Variants in AGO2 observed in about 807,000 individuals in gnomAD.
AGO2 encodes the protein argonaute RISC catalytic component 2.
AGO2 carries 5 observed loss-of-function variants against 102.3 expected under a neutral mutation model. The observed-to-expected ratio is 0.05, with a 90% CI of 0.03 to 0.10. The LOEUF (loss-of-function observed/expected upper bound fraction) is 0.10. Ranked by LOEUF, AGO2 falls within the 10% of genes least tolerant of loss-of-function variation. The pLI is 1.00. For synonymous variants in AGO2, 449 were observed against 473.1 expected (o/e 0.95, Z 0.66); for missense variants, 541 against 1,183.7 (o/e 0.46, Z 7.97).
intron 10 of AGO2, 67 bp downstream of exon 10, chr8:140,555,829 A>G: frequency 6.4e-7 from 1 of 1,556,828 alleles, no homozygotes; most frequent in Non-Finnish European, 8.7e-7. Flanking sequence ...ATAGCTCAGA[A>G]CCTGAGAGGG....
intron 2 of AGO2, among the ~76,000 whole-genome samples, chr8:140,583,086 G>T (rs939591626): frequency 1.3e-5 from 2 of 152,222 alleles, no homozygotes; most frequent in Non-Finnish European, 2.9e-5. Flanking sequence ...AAAAAGGAGA[G>T]AAAGAGTGAT....
rs755240981 is a variant in AGO2 at position 140,557,066 on chromosome 8, C to T, written c.1026+23G>A. ...CGCCGCCCTCCCAAGCCCCCAGAGA[C>T]ACACAGGAAGAGGGTGACTTGCCTC... is the stretch of plus-strand genomic sequence containing the variant. On this transcript the variant is annotated intron_variant, in intron 8 of 18. Transcript: ENST00000220592. This position sits in a 1 kb window ranked among gnomAD's most constrained non-coding sequence, Gnocchi z 5.9. The T allele has an allele frequency of 6.2e-7, 1 of 1,604,192 alleles. No homozygotes were observed. Among genetic ancestry groups the T allele is most frequent in the South Asian group, 1.1e-5 (1 of 89,780 alleles).
At chr8:140,632,447 A>G (rs556985867) in intron 1 of AGO2, among the ~76,000 whole-genome samples, 1 of 152,358 alleles carries the variant, frequency 6.6e-6, no homozygotes, top group South Asian at 2.1e-4. Context: ...TCTATAAACC[A>G]CAGTGAAGTT....
intron 14 of AGO2, among the ~76,000 whole-genome samples, chr8:140,543,553 T>C (rs2072839295): frequency 6.6e-6 from 1 of 152,226 alleles, no homozygotes; most frequent in Non-Finnish European, 1.5e-5. Context: ...CCTCCTGTGC[T>C]CTGGCAATCC....
chr8:140,616,602 A>T (rs2074145523), intron 1 of AGO2, among the ~76,000 whole-genome samples: 1 of 152,256 alleles, frequency 6.6e-6, no homozygotes, highest in Non-Finnish European at 1.5e-5. Context: ...GGTATTATTT[A>T]TAAGAATTAA....
Position 140,524,091 on chromosome 8 carries a change from C to T in AGO2, c.*7953G>A, listed in dbSNP as rs996761536. 6.6e-6 allele frequency: 1 copy of T among 152,260 alleles called. No individual in the cohort carries two copies. Among genetic ancestry groups the T allele is most frequent in the Non-Finnish European group, 1.5e-5 (1 of 68,092 alleles). The allele number at this position is 152,260 out of a possible 1,614,324, so 9.4% of individuals were successfully genotyped here. A position where few individuals can be genotyped will look rare whatever the true frequency, so the allele number is the denominator to read the frequency against. ...GTGCACAGCTCAAGGTGACACCACA[C>T]CAAAGTAAGCGGTTTCCCAGGAAGT... On this transcript the variant is annotated 3_prime_UTR_variant, in exon 19 of 19. Coordinates refer to ENST00000220592, the MANE Select transcript of AGO2 (RefSeq NM_012154.5).
chr8:140,585,700 A>G (rs1330225136), intron 1 of AGO2, among the ~76,000 whole-genome samples: 1 of 152,208 alleles, frequency 6.6e-6, no homozygotes, highest in African/African-American at 2.4e-5. Context: ...AGCGGCAGAA[A>G]CTTCATCCCA....
At chr8:140,584,787 G>C (rs2073625224) in intron 2 of AGO2, among the ~76,000 whole-genome samples, 1 of 152,122 alleles carries the variant, frequency 6.6e-6, no homozygotes, top group African/African-American at 2.4e-5. Context: ...GACTTTAGGG[G>C]CTGGGGGTAA....
At chr8:140,535,620 A>G in intron 16 of AGO2, 51 bp from the exon 17 acceptor site, 11 of 1,596,452 alleles carry the variant, frequency 6.9e-6, no homozygotes, top group Non-Finnish European at 8.6e-6. Flanking sequence ...CGGCAGAGCC[A>G]AGCAGGCGGG....
intron 1 of AGO2, among the ~76,000 whole-genome samples, chr8:140,625,361 C>T (rs1383202849): frequency 6.6e-6 from 1 of 152,150 alleles, no homozygotes; most frequent in Non-Finnish European, 1.5e-5. Flanking sequence ...CCGCCTTGGC[C>T]TCCCGAAGTG....
intron 1 of AGO2, among the ~76,000 whole-genome samples, chr8:140,623,442 C>T (rs969947795): frequency 1.3e-5 from 2 of 152,186 alleles, no homozygotes; most frequent in Non-Finnish European, 2.9e-5. Context: ...CACTGCCACA[C>T]GTCCCCCGGC....
chr8:140,547,774 C>T (rs2072926551), intron 12 of AGO2, 147 bp from the exon 13 acceptor site: 25 of 1,203,254 alleles, frequency 2.1e-5, no homozygotes, highest in South Asian at 3.3e-5. Context: ...CCCCTCTGTC[C>T]GAGGTCGGTG....
intron 1 of AGO2, among the ~76,000 whole-genome samples, chr8:140,630,010 C>G (rs1563660709): frequency 1.3e-5 from 2 of 152,016 alleles, no homozygotes; most frequent in African/African-American, 2.4e-5. Context: ...CCCAGGGAGG[C>G]CTGGCCCACC....
intron 1 of AGO2, among the ~76,000 whole-genome samples, chr8:140,604,852 C>A (rs912066759): frequency 2.6e-5 from 4 of 151,428 alleles, no homozygotes; most frequent in Admixed American, 2.0e-4. Flanking sequence ...ATTTTCAAGA[C>A]AACTGGGAAA....
chr8:140,534,129 T>C (rs376732180), intron 17 of AGO2, among the ~76,000 whole-genome samples: 8 of 152,354 alleles, frequency 5.3e-5, no homozygotes, highest in Middle Eastern at 3.4e-3. Context: ...CCACCGCACA[T>C]GCTCCGGCAC....
intron 1 of AGO2, among the ~76,000 whole-genome samples, chr8:140,587,142 C>T (rs980368450): frequency 1.3e-5 from 2 of 152,190 alleles, no homozygotes; most frequent in African/African-American, 4.8e-5. Context: ...CCTATTTCTC[C>T]TAAGAAGCCT....
Position 140,529,135 on chromosome 8 carries a change from G to T in AGO2, c.*2909C>A, listed in dbSNP as rs548816889. The stretch of plus-strand genomic sequence containing the variant: ...AGCAAGGCACACCTTACTTAACAGT[G>T]GGATGGGGACAAAGCCAGCGAGTGG... On this transcript the variant is annotated 3_prime_UTR_variant, in exon 19 of 19. Coordinates refer to ENST00000220592, the MANE Select transcript of AGO2 (RefSeq NM_012154.5). 29 of 152,314 alleles carry T rather than the reference G, an allele frequency of 1.9e-4. No homozygotes were observed. Among genetic ancestry groups the T allele is most frequent in the African/African-American group, 6.7e-4 (28 of 41,568 alleles). 9.4% of individuals were successfully genotyped at this position (152,314 alleles called of 1,614,324 possible).
At chr8:140,594,934 A>T (rs531893158) in intron 1 of AGO2, among the ~76,000 whole-genome samples, 1 of 152,314 alleles carries the variant, frequency 6.6e-6, no homozygotes, top group Admixed American at 6.5e-5. Flanking sequence ...ACGTACATAT[A>T]CAGAGTTTAT....
chr8:140,568,224 C>T (rs1398223455), intron 3 of AGO2, among the ~76,000 whole-genome samples: 1 of 143,896 alleles, frequency 6.9e-6, no homozygotes, highest in African/African-American at 2.7e-5. Flanking sequence ...GTGGAGGTTA[C>T]AGTGAGCTGA....
Sources: allele counts gnomAD v4.1 joint callset (sites outside exome capture counted in the v4.1 genomes callset), GRCh38; gene constraint gnomAD v4.1.1; non-coding constraint Gnocchi (gnomAD v3.1); transcripts MANE v1.5; gene names NCBI Gene and HGNC (gene_info 2026-07-23, HGNC 2026-07-21).